The following NR6A1 variants were observed in gnomAD, a reference collection of about 807,000 sequenced individuals.
The protein encoded by NR6A1 is nuclear receptor subfamily 6 group A member 1.
In NR6A1, 7 loss-of-function variants were observed where a neutral mutation model predicts 59.1. The observed-to-expected ratio is 0.12, with a 90% confidence interval of 0.07 to 0.22. NR6A1 has a LOEUF of 0.22. NR6A1 is among the 10% of genes least tolerant of loss of function. NR6A1 has a pLI of 1.00. For missense variants in NR6A1, 468 were observed against 611.6 expected (o/e 0.77, Z 2.48); for synonymous variants, 243 against 236.1 (o/e 1.03, Z -0.27).
At chr9:124,728,211 AGTAGAGACGGGGTTT>A in intron 2 of NR6A1, among the ~76,000 whole-genome samples, 1 of 151,250 alleles carries the variant, frequency 6.6e-6, no homozygotes, top group African/African-American at 2.4e-5. Flanking sequence ...TTGTATTTTT[AGTAGAGACGGGGTTT>A]CACTGTGTTA....
rs1840055315 is a variant in NR6A1, at chr9:124,737,743, G to A, written c.101-4394C>T. ...TAGCCTGGCATGGCAGTGCACACCT[G>A]TAATACCAGCTACTTGGGAGGCTGA... is the stretch of plus-strand genomic sequence containing the variant. On this transcript the variant is annotated intron_variant, in intron 1 of 9. Transcript: ENST00000487099. Among the ~76,000 whole-genome samples the A allele has an allele frequency of 3.9e-5, 6 of 152,194 alleles. No homozygotes were observed. The South Asian group carries it at 1.2e-3, about 31-fold the overall frequency.
intron 7 of NR6A1, among the ~76,000 whole-genome samples, chr9:124,533,174 C>T (rs1833148650): frequency 6.6e-6 from 1 of 152,238 alleles, no homozygotes; most frequent in African/African-American, 2.4e-5. Context: ...AGATTCCAGG[C>T]ACCCAGAGAG....
At chr9:124,605,303 C>T (rs988575848) in intron 2 of NR6A1, among the ~76,000 whole-genome samples, 25 of 152,174 alleles carry the variant, frequency 1.6e-4, no homozygotes, top group African/African-American at 5.8e-4. Flanking sequence ...AGGAGAAAAT[C>T]TACAGATTAG....
intron 7 of NR6A1, among the ~76,000 whole-genome samples, chr9:124,533,233 G>A (rs1487580624): frequency 6.6e-6 from 1 of 152,248 alleles, no homozygotes; most frequent in Non-Finnish European, 1.5e-5. Flanking sequence ...ATCAGAGCAG[G>A]CTGACTGCTA....
chr9:124,554,560 TGAAACA>T lies in NR6A1; in HGVS notation c.147_152del (p.Val50_Ser51del), dbSNP rs1256634847. 6.2e-7 allele frequency: 1 copy of T among 1,614,068 alleles called. No homozygotes were observed. The highest frequency in any genetic ancestry group is 1.3e-5 in the African/African-American group (1 of 74,938). On this transcript the variant is annotated inframe_deletion, in exon 3 of 10. Transcript: ENST00000487099. Reference sequence around the variant, plus strand: ...AGGTTCGTTGTTCAGCCCGATCATCTGAAACAGAAACTGATCATGTTCAAGTTAGAA... The same window carrying T: ...AGGTTCGTTGTTCAGCCCGATCATCTGAAACTGATCATGTTCAAGTTAGAA...
Position 124,524,886 on chromosome 9 carries a change from A to AC in NR6A1, c.1202-14_1202-13insG, listed in dbSNP as rs1832889260. The stretch of plus-strand genomic sequence containing the variant: ...AGACCCCTGATATCTGTGGAAAAAA[A>AC]AAAAACACACACACACATACAGGGA... On this transcript the variant is annotated splice_polypyrimidine_tract_variant and intron_variant, in intron 8 of 9. Coordinates refer to ENST00000487099, the MANE Select transcript of NR6A1 (RefSeq NM_033334.4). 1 of 1,594,186 alleles carries AC rather than the reference A, an allele frequency of 6.3e-7. No individual in the cohort carries two copies. The highest frequency in any genetic ancestry group is 1.4e-5 in the African/African-American group (1 of 72,282).
chr9:124,535,399 G>A (rs1833228283), intron 7 of NR6A1, among the ~76,000 whole-genome samples: 1 of 152,024 alleles, frequency 6.6e-6, no homozygotes, highest in South Asian at 2.1e-4. Context: ...CCAACATGGT[G>A]AAACCTCGTC....
intron 2 of NR6A1, among the ~76,000 whole-genome samples, chr9:124,700,005 C>T (rs977403152): frequency 1.3e-5 from 2 of 152,002 alleles, no homozygotes; most frequent in Non-Finnish European, 2.9e-5. Flanking sequence ...TACAGGCATG[C>T]GCCACCACAC....
At chr9:124,562,750 A>G (rs1023332772) in intron 2 of NR6A1, among the ~76,000 whole-genome samples, 1 of 152,194 alleles carries the variant, frequency 6.6e-6, no homozygotes, top group Non-Finnish European at 1.5e-5. Context: ...AAAAATGTCA[A>G]ATTCAAAGGA....
At chr9:124,730,510 C>T (rs957917672) in intron 2 of NR6A1, among the ~76,000 whole-genome samples, 2 of 151,450 alleles carry the variant, frequency 1.3e-5, no homozygotes, top group African/African-American at 2.4e-5. Context: ...GCTGGAATTA[C>T]AGGCATGAGC....
intron 1 of NR6A1, among the ~76,000 whole-genome samples, chr9:124,742,529 C>G (rs1171978300): frequency 6.6e-6 from 1 of 151,652 alleles, no homozygotes; most frequent in Non-Finnish European, 1.5e-5. Flanking sequence ...CACTGCACTC[C>G]AGCCTGGGCA....
chr9:124,614,670 C>T (rs1424094247), intron 2 of NR6A1, among the ~76,000 whole-genome samples: 1 of 152,104 alleles, frequency 6.6e-6, no homozygotes, highest in African/African-American at 2.4e-5. Context: ...CAAAAGTCCG[C>T]CACTATATGC....
intron 2 of NR6A1, among the ~76,000 whole-genome samples, chr9:124,585,026 A>T (rs1239289124): frequency 6.6e-6 from 1 of 152,218 alleles, no homozygotes; most frequent in Non-Finnish European, 1.5e-5. Flanking sequence ...AACATGGACA[A>T]AGTTTTAGTA....
chr9:124,758,304 TC>T (rs1458029502), intron 1 of NR6A1, among the ~76,000 whole-genome samples: 1 of 152,188 alleles, frequency 6.6e-6, no homozygotes, highest in Non-Finnish European at 1.5e-5. Flanking sequence ...CCTGCTGGGT[TC>T]CCTTTTTACA....
At chr9:124,567,431 G>C (rs1834293214) in intron 2 of NR6A1, among the ~76,000 whole-genome samples, 1 of 152,134 alleles carries the variant, frequency 6.6e-6, no homozygotes, top group Non-Finnish European at 1.5e-5. Context: ...AGGGACAAAA[G>C]GATTCCACAA....
intron 2 of NR6A1, among the ~76,000 whole-genome samples, chr9:124,708,431 T>C (rs1839192544): frequency 6.6e-6 from 1 of 152,176 alleles, no homozygotes; most frequent in South Asian, 2.1e-4. Flanking sequence ...GCCTTTGCTG[T>C]TTTTGAAAAT....
At chr9:124,526,731 C>A (rs1202022353) in intron 8 of NR6A1, 48 bp downstream of exon 8, 3 of 1,605,882 alleles carry the variant, frequency 1.9e-6, no homozygotes, top group Admixed American at 1.7e-5. Flanking sequence ...ATGCTCACTG[C>A]CTGCCTCCCG....
intron 2 of NR6A1, among the ~76,000 whole-genome samples, chr9:124,638,847 T>C (rs189671066): frequency 3.9e-5 from 6 of 152,366 alleles, no homozygotes; most frequent in Non-Finnish European, 7.3e-5. Context: ...AATAAGGTGA[T>C]GCTTGTGAAA....
chr9:124,568,257 G>A (rs10760367), intron 2 of NR6A1, among the ~76,000 whole-genome samples: 58,160 of 150,308 alleles, frequency 0.39, 12,269 homozygotes, highest in Admixed American at 0.56. Flanking sequence ...AGGCTGAGGC[G>A]GGCAGATCAC....
Sources: allele counts gnomAD v4.1 joint callset (sites outside exome capture counted in the v4.1 genomes callset), GRCh38; gene constraint gnomAD v4.1.1; transcripts MANE v1.5; gene names NCBI Gene and HGNC (gene_info 2026-07-23, HGNC 2026-07-21).